KHNYN: variants seen among roughly 807,000 people sequenced by gnomAD.
KHNYN encodes the protein protein KHNYN.
KHNYN carries 42 observed loss-of-function variants against 62.7 expected under a neutral mutation model. The observed-to-expected ratio is 0.67, with a 90% confidence interval of 0.52 to 0.87. The LOEUF is 0.87. Among genes scored for constraint, KHNYN ranks in the 40% least tolerant of loss-of-function variants. The probability of loss-of-function intolerance (pLI) is 0.00; values close to 1 mark genes in which losing one functional copy is unlikely to be tolerated. For synonymous variants in KHNYN, 347 were observed against 345.6 expected (o/e 1.00, Z -0.04); for missense variants, 829 against 874.1 (o/e 0.95, Z 0.65).
chr14:24,435,990 G>T, intron 5 of KHNYN, 82 bp from the exon 6 acceptor site: 1 of 1,052,072 alleles, frequency 9.5e-7, no homozygotes, highest in Non-Finnish European at 1.5e-6. Flanking sequence ...GGCTTTTAAT[G>T]TAACCATGAT....
rs1221267486 is a variant in KHNYN at position 24,437,489 on chromosome 14, G to A, written c.*204G>A. 1.9e-5 allele frequency: 11 copies of A among 589,782 alleles called. No homozygotes were observed. In the East Asian group the frequency reaches 3.3e-4, roughly 17 times the overall value. 36.5% of individuals were successfully genotyped at this position (589,782 alleles called of 1,614,324 possible). ...CCTCAGCCAGCTCTCAAGAGGTTCTGCTCAGCCTTAACTTCTCAACTTTGC... is the reference window on the plus strand; with the variant it reads ...CCTCAGCCAGCTCTCAAGAGGTTCTACTCAGCCTTAACTTCTCAACTTTGC... On this transcript the variant is annotated 3_prime_UTR_variant, in exon 8 of 8. Transcript: ENST00000553935. This position sits in a 1 kb window ranked among gnomAD's most constrained non-coding sequence, Gnocchi z 5.5.
chr14:24,428,436 T>C, upstream of KHNYN: 1 of 1,611,976 alleles, frequency 6.2e-7, no homozygotes, highest in South Asian at 1.1e-5. Context: ...TGAGTGGGGC[T>C]CAGGAAATGC....
rs537217822 is a variant in KHNYN at position 24,439,954 on chromosome 14, T to C, written c.*2669T>C. 5.4e-4 allele frequency: 387 copies of C among 712,960 alleles called. 2 individuals are homozygous for C. Among genetic ancestry groups the C allele is most frequent in the Non-Finnish European group, 6.6e-4 (293 of 441,740 alleles). 44.2% of individuals were successfully genotyped at this position (712,960 alleles called of 1,614,324 possible). A position where few individuals can be genotyped will look rare whatever the true frequency, so the allele number is the denominator to read the frequency against. On this transcript the variant is annotated 3_prime_UTR_variant, in exon 8 of 8. Coordinates refer to ENST00000553935, the MANE Select transcript of KHNYN (RefSeq NM_015299.3). ...ACAATAAGGTGGAGCAACAGAACAATGGGAAAGAGGACTGGGAGAGGAATC... is the reference window on the plus strand; with the variant it reads ...ACAATAAGGTGGAGCAACAGAACAACGGGAAAGAGGACTGGGAGAGGAATC...
chr14:24,439,888 A>C lies in KHNYN; in HGVS notation c.*2603A>C. 1.9e-6 allele frequency: 1 copy of C among 539,286 alleles called. No individual in the cohort carries two copies. The highest frequency in any genetic ancestry group is 3.2e-6 in the Non-Finnish European group (1 of 309,278). The allele number at this position is 539,286 out of a possible 1,614,324, so 33.4% of individuals were successfully genotyped here. ...AACTGGGAAATCTTACAAGGAGTTG[A>C]AAAGATTAATGTCCCAACCTGATGA... On this transcript the variant is annotated 3_prime_UTR_variant, in exon 8 of 8. Transcript: ENST00000553935.
chr14:24,428,689 T>G (rs1016715361), upstream of KHNYN: 1 of 1,497,396 alleles, frequency 6.7e-7, no homozygotes, highest in Non-Finnish European at 9.0e-7. Context: ...AAAGTGGGCT[T>G]GGACAGTTGC....
At position 24,431,524 on chromosome 14, in the gene KHNYN, T is replaced by A; in HGVS notation, c.263T>A (p.Leu88Gln). The stretch of plus-strand genomic sequence containing the variant: ...GATGAAATCCACTACCCGCCCAAAC[T>A]GCACTGCATCTTTCTGGGAGCCCAG... ...LQDEIHYPPK[L>Q]HCIFLGAQGF... is the part of the protein sequence containing the mutation. Residue 88 changes from leucine (L) to glutamine (Q), a missense_variant, in exon 3 of 8, where the codon CTG (leucine) becomes CAG (glutamine). Leu to Gln is a moderately radical substitution (Grantham distance 113). This residue lies in a region of KHNYN where 559 missense variants were observed against 527.0 expected (regional missense o/e 1.06). Coordinates refer to ENST00000553935, the MANE Select transcript of KHNYN (RefSeq NM_015299.3). The A allele has an allele frequency of 6.2e-7, 1 of 1,608,080 alleles. No individual in the cohort carries two copies. The highest frequency in any genetic ancestry group is 1.3e-5 in the African/African-American group (1 of 74,938).
chr14:24,428,145 T>C, upstream of KHNYN: 1 of 1,354,652 alleles, frequency 7.4e-7, no homozygotes, highest in Non-Finnish European at 1.0e-6. Context: ...CCACACTCAA[T>C]GCAAGGCAGG....
At chr14:24,423,939 G>A in the KHNYN span, among the ~76,000 whole-genome samples, 1 of 152,174 alleles carries the variant, frequency 6.6e-6, no homozygotes, top group Admixed American at 6.5e-5. Context: ...AGGAAAAATT[G>A]TCTAAATATT....
At position 24,438,841 on chromosome 14, in the gene KHNYN, A is replaced by G. The variant is rs10083509; in HGVS notation, c.*1556A>G. On this transcript the variant is annotated 3_prime_UTR_variant, in exon 8 of 8. Transcript: ENST00000553935. ...CTGTGTGGGCCTGTGGGGAGTCTCTAGACAAGATCTTTTCCAGGCCCTGAC... is the reference window on the plus strand; with the variant it reads ...CTGTGTGGGCCTGTGGGGAGTCTCTGGACAAGATCTTTTCCAGGCCCTGAC... The G allele has an allele frequency of 0.14, 20,730 of 152,058 alleles. 2,813 individuals carry two copies. Among genetic ancestry groups the G allele is most frequent in the African/African-American group, 0.35 (14,415 of 41,364 alleles). The allele number at this position is 152,058 out of a possible 1,614,324, so 9.4% of individuals were successfully genotyped here.
upstream of KHNYN, chr14:24,427,723 T>C: frequency 6.8e-7 from 1 of 1,468,200 alleles, no homozygotes; most frequent in Non-Finnish European, 9.5e-7. The surrounding 1 kb of genome is among the most constrained non-coding windows in gnomAD (Gnocchi z 4.4). Context: ...CTGCTGTTTC[T>C]GGGGCAAGAG....
intron 1 of KHNYN, 108 bp downstream of exon 1, chr14:24,430,227 G>A (rs1287475309): frequency 4.6e-6 from 4 of 875,808 alleles, no homozygotes; most frequent in Non-Finnish European, 5.5e-6. Flanking sequence ...GGCCCGGCCC[G>A]GCCCGGCCCC....
chr14:24,428,919 G>A (rs753382708), upstream of KHNYN: 7 of 1,565,022 alleles, frequency 4.5e-6, no homozygotes. Flanking sequence ...CAGACCACCA[G>A]GCACTCCCCC....
At chr14:24,427,412 C>T (rs56815700), upstream of KHNYN, 3,008 of 228,348 alleles carry the variant, frequency 0.013, 38 homozygotes, top group African/African-American at 0.026. The surrounding 1 kb of genome is among the most constrained non-coding windows in gnomAD (Gnocchi z 4.4). Context: ...GGGGGCCTGT[C>T]AGGCTCACCT....
At chr14:24,428,090 C>T (rs1178075694), upstream of KHNYN, 9 of 1,379,586 alleles carry the variant, frequency 6.5e-6, no homozygotes, top group Non-Finnish European at 7.0e-6. Flanking sequence ...AATGGGCTCT[C>T]CCGGGAGGGC....
chr14:24,428,374 C>T (rs757183255), upstream of KHNYN: 19 of 1,613,712 alleles, frequency 1.2e-5, no homozygotes, highest in East Asian at 2.2e-5. Context: ...GCCAGAGGCC[C>T]GGTCAAAGCC....
chr14:24,429,266 AGT>A, upstream of KHNYN: 2 of 703,704 alleles, frequency 2.8e-6, no homozygotes, highest in Non-Finnish European at 5.0e-6. Flanking sequence ...CAGAGCATGC[AGT>A]GACAGCAGTT....
rs551457382 is a variant in KHNYN, at chr14:24,439,872, A to G, written c.*2587A>G. ...ACATGTAGAGAAACCAAACTGGGAA[A>G]TCTTACAAGGAGTTGAAAAGATTAA... On this transcript the variant is annotated 3_prime_UTR_variant, in exon 8 of 8. Coordinates refer to ENST00000553935, the MANE Select transcript of KHNYN (RefSeq NM_015299.3). 3.5e-5 allele frequency: 18 copies of G among 510,570 alleles called. No homozygotes were observed. In the South Asian group the frequency reaches 5.9e-4, roughly 17 times the overall value. 31.6% of individuals were successfully genotyped at this position (510,570 alleles called of 1,614,324 possible).
upstream of KHNYN, chr14:24,429,157 C>T (rs1176727807): frequency 1.6e-6 from 2 of 1,228,958 alleles, no homozygotes; most frequent in African/African-American, 1.5e-5. Flanking sequence ...ATCGTCTGCC[C>T]TCTCTAGGCT....
At chr14:24,430,426 C>A in intron 1 of KHNYN, 1 of 1,220,576 alleles carries the variant, frequency 8.2e-7, no homozygotes, top group South Asian at 2.1e-5. Flanking sequence ...GGCCTCCAGG[C>A]CGAGCTGGAG....
Sources: allele counts gnomAD v4.1 joint callset (sites outside exome capture counted in the v4.1 genomes callset), GRCh38; gene constraint gnomAD v4.1.1; regional missense constraint gnomAD v4.1.1; non-coding constraint Gnocchi (gnomAD v3.1); transcripts MANE v1.5; gene names NCBI Gene and HGNC (gene_info 2026-07-23, HGNC 2026-07-21).